RPRD1B: variants seen among roughly 807,000 people sequenced by gnomAD.
RPRD1B encodes regulation of nuclear pre-mRNA domain-containing protein 1B.
RPRD1B carries 11 observed loss-of-function variants against 41.5 expected under a neutral mutation model. The observed-to-expected ratio is 0.27, with a 90% CI of 0.17 to 0.44. RPRD1B has a LOEUF of 0.44. Ranked by LOEUF, RPRD1B falls within the 20% of genes least tolerant of loss-of-function variation. The probability of loss-of-function intolerance (pLI) is 1.00; values close to 1 mark genes in which losing one functional copy is unlikely to be tolerated. For missense variants in RPRD1B, 248 were observed against 389.9 expected (o/e 0.64, Z 3.06); for synonymous variants, 158 against 155.6 (o/e 1.02, Z -0.12).
chr20:38,063,670 G>A (rs1246594546), intron 5 of RPRD1B, among the ~76,000 whole-genome samples: 1 of 152,168 alleles, frequency 6.6e-6, no homozygotes, highest in Non-Finnish European at 1.5e-5. Flanking sequence ...TGCTGAGGTA[G>A]AGAAGACATG....
Position 38,048,211 on chromosome 20 carries a change from C to A in RPRD1B, c.282-137C>A, listed in dbSNP as rs549388283. 2.9e-5 allele frequency: 25 copies of A among 855,892 alleles called. No individual in the cohort carries two copies. In the African/African-American group the frequency reaches 3.7e-4, roughly 13 times the overall value. 53.0% of individuals were successfully genotyped at this position (855,892 alleles called of 1,614,324 possible). A position where few individuals can be genotyped will look rare whatever the true frequency, so the allele number is the denominator to read the frequency against. ...TCAAGTTTTGGGTATCCAGGTATTA[C>A]AATATGTACCTTATTTGGTTTTAAA... On this transcript the variant is annotated intron_variant, in intron 2 of 6. Coordinates refer to ENST00000373433, the MANE Select transcript of RPRD1B (RefSeq NM_021215.4).
chr20:38,048,510 C>G, intron 3 of RPRD1B, 29 bp downstream of exon 3: 1 of 1,568,954 alleles, frequency 6.4e-7, no homozygotes, highest in Non-Finnish European at 8.7e-7. Flanking sequence ...GTTTACAGCT[C>G]TTGGTCTTTG....
At chr20:38,060,951 ATACT>A (rs992296152) in intron 5 of RPRD1B, among the ~76,000 whole-genome samples, 22 of 152,344 alleles carry the variant, frequency 1.4e-4, no homozygotes, top group South Asian at 8.3e-4. Context: ...CATTTTAAAA[ATACT>A]TACTACTAAA....
intron 3 of RPRD1B, among the ~76,000 whole-genome samples, chr20:38,050,666 C>G (rs1405916385): frequency 1.3e-5 from 2 of 152,150 alleles, no homozygotes; most frequent in African/African-American, 4.8e-5. Context: ...GGTTTGCACT[C>G]TGGGAATGTG....
At chr20:38,070,382 A>G in intron 6 of RPRD1B, 1 of 985,532 alleles carries the variant, frequency 1.0e-6, no homozygotes, top group Non-Finnish European at 1.2e-6. Context: ...ATGGCAGCCC[A>G]AAGAGGAGGT....
At chr20:38,069,490 G>T (rs914430105) in intron 6 of RPRD1B, among the ~76,000 whole-genome samples, 2 of 152,216 alleles carry the variant, frequency 1.3e-5, no homozygotes, top group African/African-American at 2.4e-5. Context: ...AGTTAGACTG[G>T]ACCAGACAGG....
chr20:38,063,142 G>A (rs148083442), intron 5 of RPRD1B, among the ~76,000 whole-genome samples: 14 of 152,068 alleles, frequency 9.2e-5, no homozygotes, highest in African/African-American at 2.9e-4. Context: ...TGCCTGAAAC[G>A]TTCCTCCCAG....
intron 2 of RPRD1B, among the ~76,000 whole-genome samples, chr20:38,044,968 C>G (rs540187536): frequency 6.6e-6 from 1 of 152,220 alleles, no homozygotes; most frequent in African/African-American, 2.4e-5. Context: ...GAAAAAGTGC[C>G]ATAGAACTGT....
At chr20:38,070,774 C>G (rs1013786973) in intron 6 of RPRD1B, 1 of 947,796 alleles carries the variant, frequency 1.1e-6, no homozygotes, top group Admixed American at 7.2e-5. Flanking sequence ...GACTCTTGCT[C>G]TGTTGCCCAG....
chr20:38,034,691 C>G (rs549315643), intron 1 of RPRD1B, among the ~76,000 whole-genome samples: 2 of 152,196 alleles, frequency 1.3e-5, no homozygotes, highest in African/African-American at 4.8e-5. Flanking sequence ...GTAGTCTCTC[C>G]CATCTTAGGT....
intron 3 of RPRD1B, chr20:38,049,796 C>T (rs2074165285): frequency 4.2e-6 from 2 of 471,040 alleles, no homozygotes; most frequent in South Asian, 3.1e-5. Flanking sequence ...TACATGTTTC[C>T]TGGAGGATCG....
chr20:38,090,731 A>G lies in RPRD1B; in HGVS notation c.*856A>G, dbSNP rs2074605275. Reference sequence around the variant, plus strand: ...GGGCTCCAAAAGATGAAGGCCCCACACACAGGTGTGCTGCATTTGGGATCT... The same window carrying G: ...GGGCTCCAAAAGATGAAGGCCCCACGCACAGGTGTGCTGCATTTGGGATCT... On this transcript the variant is annotated 3_prime_UTR_variant, in exon 7 of 7. Coordinates refer to ENST00000373433, the MANE Select transcript of RPRD1B (RefSeq NM_021215.4). 1.0e-6 allele frequency: 1 copy of G among 985,410 alleles called. No individual in the cohort carries two copies. The highest frequency in any genetic ancestry group is 1.7e-5 in the African/African-American group (1 of 57,256). 61.0% of individuals were successfully genotyped at this position (985,410 alleles called of 1,614,324 possible). A position where few individuals can be genotyped will look rare whatever the true frequency, so the allele number is the denominator to read the frequency against.
chr20:38,074,001 C>T (rs916233372), intron 6 of RPRD1B, among the ~76,000 whole-genome samples: 1 of 152,172 alleles, frequency 6.6e-6, no homozygotes, highest in Admixed American at 6.5e-5. Flanking sequence ...TGTCAGCACC[C>T]AGGTTGTTAG....
At chr20:38,062,720 T>A (rs2074310226) in intron 5 of RPRD1B, among the ~76,000 whole-genome samples, 1 of 151,980 alleles carries the variant, frequency 6.6e-6, no homozygotes, top group Non-Finnish European at 1.5e-5. Flanking sequence ...GCCATCATTC[T>A]AGTCTCAACA....
chr20:38,060,550 G>A (rs1475714705), intron 5 of RPRD1B, among the ~76,000 whole-genome samples: 1 of 152,182 alleles, frequency 6.6e-6, no homozygotes, highest in Non-Finnish European at 1.5e-5. Flanking sequence ...CCTTTCTGAT[G>A]AGATGACCTT....
chr20:38,039,407 CTT>C (rs1165738530), intron 1 of RPRD1B, among the ~76,000 whole-genome samples: 7 of 141,656 alleles, frequency 4.9e-5, no homozygotes, highest in Admixed American at 7.1e-5. Context: ...TACAAGAAAC[CTT>C]TTTTTTTTTT....
intron 3 of RPRD1B, among the ~76,000 whole-genome samples, chr20:38,052,345 A>T (rs1311278092): frequency 6.6e-6 from 1 of 152,188 alleles, no homozygotes; most frequent in Admixed American, 6.5e-5. Context: ...GCTGGAGAAC[A>T]TGGTAGCTAA....
At chr20:38,052,123 G>A (rs2074191395) in intron 3 of RPRD1B, among the ~76,000 whole-genome samples, 3 of 152,108 alleles carry the variant, frequency 2.0e-5, no homozygotes, top group Admixed American at 2.0e-4. Context: ...GATCCTCACT[G>A]TACAATATGG....
At chr20:38,037,955 T>G (rs974348756) in intron 1 of RPRD1B, among the ~76,000 whole-genome samples, 1 of 152,208 alleles carries the variant, frequency 6.6e-6, no homozygotes, top group African/African-American at 2.4e-5. Flanking sequence ...TCTGCTAACT[T>G]GCATGGGATT....
Sources: gnomAD v4.1 joint callset for allele counts (sites outside exome capture counted in the v4.1 genomes callset) on GRCh38, gnomAD v4.1.1 for gene constraint, MANE v1.5 for transcripts, NCBI Gene and HGNC (gene_info 2026-07-23, HGNC 2026-07-21) for gene names.